The following FAT3 variants were observed in gnomAD, a reference collection of about 807,000 sequenced individuals.
FAT3 encodes protocadherin Fat 3.
FAT3 carries 95 observed loss-of-function variants against 310.2 expected under a neutral mutation model. The observed-to-expected ratio is 0.31, with a 90% CI of 0.26 to 0.36. The LOEUF is 0.36. Ranked by LOEUF, FAT3 falls within the 10% of genes least tolerant of loss-of-function variation. The probability of loss-of-function intolerance (pLI) is 1.00; values close to 1 mark genes in which losing one functional copy is unlikely to be tolerated. For missense variants in FAT3, 5,408 were observed against 5,715.6 expected, an observed-to-expected ratio of 0.95 and a Z score of 1.74; for synonymous variants, 2,314 against 2,192.9, an observed-to-expected ratio of 1.06 and a Z score of -1.54.
chr11:92,848,808 AG>A (rs1948748344), intron 19 of FAT3, among the ~76,000 whole-genome samples: 1 of 152,256 alleles, frequency 6.6e-6, no homozygotes. Flanking sequence ...GCACTGTCAT[AG>A]GGTTTGCTCA....
chr11:92,803,687 G>A (rs1022886561), intron 10 of FAT3, among the ~76,000 whole-genome samples: 1 of 152,152 alleles, frequency 6.6e-6, no homozygotes, highest in African/African-American at 2.4e-5. Context: ...CCCACTAAAT[G>A]CCAGTAGCAC....
intron 1 of FAT3, among the ~76,000 whole-genome samples, chr11:92,272,938 C>G (rs1373538867): frequency 6.6e-6 from 1 of 152,102 alleles, no homozygotes; most frequent in African/African-American, 2.4e-5. Context: ...TGTCTGTCAA[C>G]AGGGAAACTG....
chr11:92,421,800 A>G (rs1008372357), intron 2 of FAT3, among the ~76,000 whole-genome samples: 2 of 152,176 alleles, frequency 1.3e-5, no homozygotes, highest in Non-Finnish European at 2.9e-5. Flanking sequence ...TGCTAAGGCA[A>G]GGGATAGGTC....
At chr11:92,477,179 C>T (rs1481294053) in intron 2 of FAT3, among the ~76,000 whole-genome samples, 2 of 152,282 alleles carry the variant, frequency 1.3e-5, no homozygotes, top group Admixed American at 1.3e-4. Context: ...ATTTAAAATA[C>T]TTTCCCACAG....
chr11:92,368,224 C>G (rs1949078352), intron 2 of FAT3, among the ~76,000 whole-genome samples: 1 of 152,008 alleles, frequency 6.6e-6, no homozygotes, highest in Non-Finnish European at 1.5e-5. Context: ...AATTTTTCTC[C>G]AGTGTGGTTG....
intron 1 of FAT3, among the ~76,000 whole-genome samples, chr11:92,339,777 C>T (rs1948194716): frequency 6.6e-6 from 1 of 151,966 alleles, no homozygotes; most frequent in Admixed American, 6.6e-5. Context: ...CAAAAAAAGG[C>T]CAGTGTCGCT....
intron 2 of FAT3, among the ~76,000 whole-genome samples, chr11:92,463,838 AC>A (rs1190720801): frequency 1.3e-5 from 2 of 151,728 alleles, no homozygotes; most frequent in Non-Finnish European, 2.9e-5. Flanking sequence ...CAGTTCTCCG[AC>A]CCCTTTCTGT....
At position 92,892,380 on chromosome 11, in the gene FAT3, T is replaced by G. The variant is rs1039268629; in HGVS notation, c.*1267T>G. ...TATTTTACTCTGGTTCAGTTAACTT[T>G]ATTTTGGTACTGCCAATAAAGCAAA... On this transcript the variant is annotated 3_prime_UTR_variant, in exon 28 of 28. Coordinates refer to ENST00000525166, the MANE Select transcript of FAT3 (RefSeq NM_001367949.2). The G allele has an allele frequency of 2.6e-5, 4 of 151,998 alleles. No individual in the cohort carries two copies. Among genetic ancestry groups the G allele is most frequent in the Admixed American group, 2.6e-4 (4 of 15,230 alleles). The allele number at this position is 151,998 out of a possible 1,614,324, so 9.4% of individuals were successfully genotyped here.
chr11:92,378,364 G>GTT (rs1471604146), intron 2 of FAT3, among the ~76,000 whole-genome samples: 3 of 152,132 alleles, frequency 2.0e-5, no homozygotes, highest in Non-Finnish European at 4.4e-5. Context: ...CATCGAGATA[G>GTT]TTATAATCTT....
chr11:92,389,327 G>A (rs912503174), intron 2 of FAT3, among the ~76,000 whole-genome samples: 4 of 152,158 alleles, frequency 2.6e-5, no homozygotes, highest in Non-Finnish European at 5.9e-5. Flanking sequence ...TGGGAACCTG[G>A]CTTTTGCCCA....
chr11:92,435,468 A>ATCCATCCTTCCTTCCT (rs753940306), intron 2 of FAT3, among the ~76,000 whole-genome samples: 2 of 107,986 alleles, frequency 1.9e-5, no homozygotes, highest in African/African-American at 3.3e-5. Flanking sequence ...TCTTTTATTT[A>ATCCATCCTTCCTTCCT]TCCTTCCTTC....
At chr11:92,673,080 A>T (rs1226670313) in intron 3 of FAT3, among the ~76,000 whole-genome samples, 1 of 152,164 alleles carries the variant, frequency 6.6e-6, no homozygotes. Flanking sequence ...ACTAAAAACC[A>T]CTCATCAGTT....
At chr11:92,517,391 A>G (rs1196721119) in intron 2 of FAT3, among the ~76,000 whole-genome samples, 1 of 152,220 alleles carries the variant, frequency 6.6e-6, no homozygotes, top group Non-Finnish European at 1.5e-5. Flanking sequence ...CCTATGTAAT[A>G]AATGGTGTTG....
At chr11:92,657,280 C>G (rs939310935) in intron 3 of FAT3, among the ~76,000 whole-genome samples, 4 of 148,894 alleles carry the variant, frequency 2.7e-5, no homozygotes, top group African/African-American at 1.0e-4. Flanking sequence ...AGCCATCTGC[C>G]CAGTAAACTA....
rs183660064 is a variant in FAT3 at position 92,365,270 on chromosome 11, A to T, written c.3292+9866A>T. Among the ~76,000 whole-genome samples the T allele has an allele frequency of 7.2e-5, 11 of 152,282 alleles. No individual in the cohort carries two copies. In the East Asian group the frequency reaches 2.1e-3, roughly 29 times the overall value. ...GGGTGACAGAGTGAGACCCTGTATG[A>T]AAAACAAACAAATAAAAAATGAATT... On this transcript the variant is annotated intron_variant, in intron 2 of 27. Coordinates refer to ENST00000525166, the MANE Select transcript of FAT3 (RefSeq NM_001367949.2).
At chr11:92,599,067 C>T (rs1389373018) in intron 3 of FAT3, among the ~76,000 whole-genome samples, 1 of 152,176 alleles carries the variant, frequency 6.6e-6, no homozygotes, top group East Asian at 1.9e-4. Context: ...GGGATAAGAA[C>T]AGCTCTCTGC....
chr11:92,755,634 T>C (rs1945971090), intron 4 of FAT3, among the ~76,000 whole-genome samples: 5 of 152,242 alleles, frequency 3.3e-5, no homozygotes, highest in Non-Finnish European at 1.5e-5. Flanking sequence ...CAAAACGTCA[T>C]GTTGTATATC....
intron 1 of FAT3, among the ~76,000 whole-genome samples, chr11:92,254,771 T>A (rs918204504): frequency 6.6e-6 from 1 of 152,094 alleles, no homozygotes; most frequent in Non-Finnish European, 1.5e-5. Context: ...AATGGCATGA[T>A]CTCGGCTCAC....
chr11:92,619,200 G>A (rs1484366478), intron 3 of FAT3, among the ~76,000 whole-genome samples: 2 of 152,128 alleles, frequency 1.3e-5, no homozygotes, highest in Non-Finnish European at 2.9e-5. Context: ...AATTAACCAT[G>A]TTGTATAACC....
Sources: gnomAD v4.1 joint callset for allele counts (sites outside exome capture counted in the v4.1 genomes callset) on GRCh38, gnomAD v4.1.1 for gene constraint, MANE v1.5 for transcripts, NCBI Gene and HGNC (gene_info 2026-07-23, HGNC 2026-07-21) for gene names.